The following RHCE variants were observed in gnomAD, a reference collection of about 807,000 sequenced individuals.
The protein encoded by RHCE is Rh blood group CcEe antigens, also known as blood group Rh(CE) polypeptide.
RHCE carries 22 observed loss-of-function variants against 43.8 expected under a neutral mutation model. The observed-to-expected ratio is 0.50, with a 90% CI of 0.36 to 0.72. The LOEUF is 0.72. Among genes scored for constraint, RHCE ranks in the 30% least tolerant of loss-of-function variants. RHCE has a pLI of 0.00. For missense variants in RHCE, 385 were observed against 525.4 expected, an observed-to-expected ratio of 0.73 and a Z score of 2.61; for synonymous variants, 156 against 210.7, an observed-to-expected ratio of 0.74 and a Z score of 2.25.
At chr1:25,375,461 GCATCAGGCAGCAGAGGT>G in intron 7 of RHCE, 33 bp from the exon 8 acceptor site, 3 of 1,611,332 alleles carry the variant, frequency 1.9e-6, no homozygotes, top group South Asian at 2.2e-5. Context: ...GGTCACTTGG[GCATCAGGCAGCAGAGGT>G]CATCAGGGAC....
chr1:25,369,675 T>C (rs1210500741), intron 9 of RHCE, among the ~76,000 whole-genome samples: 6 of 151,152 alleles, frequency 4.0e-5, no homozygotes, highest in Non-Finnish European at 7.4e-5. Context: ...CTGCTTGTTA[T>C]CATTTATCAA....
chr1:25,408,261 T>C lies in RHCE; in HGVS notation c.335+422A>G, dbSNP rs543813642. Among the ~76,000 whole-genome samples, 2 of 117,974 alleles carry C rather than the reference T, an allele frequency of 1.7e-5. 1 individual carries two copies. The highest frequency in any genetic ancestry group is 3.8e-5 in the Non-Finnish European group (2 of 52,600). The allele number at this position is 117,974 out of a possible 152,430, so 77.4% of individuals were successfully genotyped here. On this transcript the variant is annotated intron_variant, in intron 2 of 9. Coordinates refer to ENST00000294413, the MANE Select transcript of RHCE (RefSeq NM_020485.8). Reference sequence around the variant, plus strand: ...GAGATAGCGCCATTGCACTCCAGCCTGGGCAACAAAAGCGAAACTCCGTCT... The same window carrying C: ...GAGATAGCGCCATTGCACTCCAGCCCGGGCAACAAAAGCGAAACTCCGTCT...
At chr1:25,387,958 T>C (rs1397998889) in intron 6 of RHCE, among the ~76,000 whole-genome samples, 4 of 152,112 alleles carry the variant, frequency 2.6e-5, no homozygotes, top group African/African-American at 7.2e-5. Flanking sequence ...GTAGCTAAGA[T>C]GACAGGTGCC....
At chr1:25,406,046 G>C (rs1381790507) in intron 2 of RHCE, among the ~76,000 whole-genome samples, 1 of 122,478 alleles carries the variant, frequency 8.2e-6, no homozygotes, top group Admixed American at 8.8e-5. Context: ...TTCCTGGATT[G>C]AGTCAAGAAT....
chr1:25,395,782 G>A lies in RHCE; in HGVS notation c.487-3641C>T, dbSNP rs2518068. On this transcript the variant is annotated intron_variant, in intron 3 of 9. Transcript: ENST00000294413. Reference sequence around the variant, plus strand: ...GAGAAGCGAAAGCTTTTCCTTACAGGAGAATGCCAACTATTGAAGGAAAGA... The same window carrying A: ...GAGAAGCGAAAGCTTTTCCTTACAGAAGAATGCCAACTATTGAAGGAAAGA... 1.7e-4 allele frequency among the ~76,000 whole-genome samples: 26 copies of A among 152,324 alleles called. No homozygotes were observed. The East Asian group carries it at 3.1e-3, about 18-fold the overall frequency.
At chr1:25,378,921 AG>A (rs1557604155) in intron 7 of RHCE, among the ~76,000 whole-genome samples, 1 of 152,218 alleles carries the variant, frequency 6.6e-6, no homozygotes, top group African/African-American at 2.4e-5. Context: ...GTGGAAAAAA[AG>A]TACAGCAATG....
chr1:25,386,843 ACAC>A (rs1272782704), intron 6 of RHCE, among the ~76,000 whole-genome samples: 5,041 of 56,796 alleles, frequency 0.089, 257 homozygotes, highest in African/African-American at 0.23. Flanking sequence ...CAACAACAAA[ACAC>A]ACACACACAC....
chr1:25,397,111 C>CAAAAAAAA (rs151106139), intron 3 of RHCE, among the ~76,000 whole-genome samples: 1 of 58,040 alleles, frequency 1.7e-5, no homozygotes, highest in Non-Finnish European at 2.9e-5. Flanking sequence ...GACTCTGTCT[C>CAAAAAAAA]AAAAAAAAAA....
chr1:25,369,056 C>G (rs1645521424), intron 9 of RHCE, among the ~76,000 whole-genome samples: 1 of 151,806 alleles, frequency 6.6e-6, no homozygotes, highest in South Asian at 2.1e-4. Context: ...CCACCATACC[C>G]AGCCTAAATA....
At chr1:25,411,283 A>C in intron 1 of RHCE, 1 of 1,548,010 alleles carries the variant, frequency 6.5e-7, no homozygotes, top group Non-Finnish European at 8.7e-7. Context: ...GAGAACACTC[A>C]ATAAATAGTG....
upstream of RHCE, among the ~76,000 whole-genome samples, chr1:25,424,799 G>A (rs1189720762): frequency 3.9e-5 from 6 of 151,906 alleles, no homozygotes; most frequent in South Asian, 4.2e-4. Flanking sequence ...AGCATCTGAC[G>A]AAGTCTATAT....
chr1:25,396,404 A>C (rs1268875605), intron 3 of RHCE, among the ~76,000 whole-genome samples: 1 of 152,230 alleles, frequency 6.6e-6, no homozygotes, highest in Non-Finnish European at 1.5e-5. Flanking sequence ...TTGTTAACTG[A>C]ACAATGGTTA....
intron 3 of RHCE, among the ~76,000 whole-genome samples, chr1:25,402,202 G>GCCTGTCTA (rs1646772734): frequency 8.4e-6 from 1 of 118,410 alleles, no homozygotes; most frequent in Non-Finnish European, 1.8e-5. Flanking sequence ...CTGTCTGTCT[G>GCCTGTCTA]TCTGTCTATC....
rs1646334800 is a variant in RHCE at position 25,390,779 on chromosome 1, G to A, written c.771C>T (p.Ser257=). The A allele has an allele frequency of 2.5e-6, 4 of 1,614,228 alleles. No individual in the cohort carries two copies. The Admixed American group carries it at 6.7e-5, about 27-fold the overall frequency. Residue 257 remains serine, a synonymous_variant, in exon 5 of 10, where the codon TCC becomes TCT. Transcript: ENST00000294413. ...TGATCTTCCTTTGGGGGTGAGCCAAGGATGACCCTGAGATGGCTGTCACCA... is the reference window on the plus strand; with the variant it reads ...TGATCTTCCTTTGGGGGTGAGCCAAAGATGACCCTGAGATGGCTGTCACCA... ...VSVVTAISGS[S]LAHPQRKISM...
chr1:25,394,287 C>T (rs1465296040), intron 3 of RHCE, among the ~76,000 whole-genome samples: 1 of 151,924 alleles, frequency 6.6e-6, no homozygotes, highest in Non-Finnish European at 1.5e-5. Context: ...CCGCACCCAG[C>T]CTATTTTTTT....
intron 7 of RHCE, among the ~76,000 whole-genome samples, chr1:25,381,196 T>A (rs902827478): frequency 1.4e-4 from 21 of 152,226 alleles, no homozygotes; most frequent in African/African-American, 5.1e-4. Context: ...TAAATGACTC[T>A]GGCACAGACA....
At chr1:25,414,901 C>G (rs1374072752) in intron 1 of RHCE, among the ~76,000 whole-genome samples, 1 of 152,154 alleles carries the variant, frequency 6.6e-6, no homozygotes, top group African/African-American at 2.4e-5. Context: ...GAATCATGAT[C>G]ATGAGTAAAT....
At chr1:25,403,485 A>G (rs1571897461) in intron 2 of RHCE, among the ~76,000 whole-genome samples, 1 of 152,026 alleles carries the variant, frequency 6.6e-6, no homozygotes, top group African/African-American at 2.4e-5. Flanking sequence ...CCCTTGACCA[A>G]TGAGCATGCT....
At chr1:25,393,044 G>C (rs761861270) in intron 3 of RHCE, among the ~76,000 whole-genome samples, 1 of 152,112 alleles carries the variant, frequency 6.6e-6, no homozygotes, top group South Asian at 2.1e-4. Context: ...TAAGGTCTTC[G>C]GGAGATTCTA....
Sources: gnomAD v4.1 joint callset for allele counts (sites outside exome capture counted in the v4.1 genomes callset) on GRCh38, gnomAD v4.1.1 for gene constraint, MANE v1.5 for transcripts, NCBI Gene and HGNC (gene_info 2026-07-23, HGNC 2026-07-21) for gene names.